PLCXD1: variants seen among roughly 807,000 people sequenced by gnomAD.
PLCXD1 encodes the protein PI-PLC X domain-containing protein 1.
PLCXD1 carries 45 observed loss-of-function variants against 37.8 expected under a neutral mutation model. The ratio of observed to expected loss-of-function variants is 1.19; its 90% CI spans 0.94 to 1.53. The LOEUF (loss-of-function observed/expected upper bound fraction) is 1.53, where lower values mean the gene tolerates loss of function less well. PLCXD1 is among the 40% of genes most tolerant of loss of function. PLCXD1 has a pLI of 0.00. For synonymous variants in PLCXD1, 246 were observed against 206.9 expected (o/e 1.19, Z -1.62); for missense variants, 539 against 454.7 (o/e 1.19, Z -1.69).
chrX:296,523 G>A (rs749113834), intron 6 of PLCXD1, among the ~76,000 whole-genome samples: 4 of 152,338 alleles, frequency 2.6e-5, no homozygotes, highest in East Asian at 3.9e-4. Flanking sequence ...CAACACAGGG[G>A]CACTGGAACC....
chrX:294,392 G>A (rs1233797963), intron 6 of PLCXD1, among the ~76,000 whole-genome samples: 1 of 151,752 alleles, frequency 6.6e-6, no homozygotes, highest in African/African-American at 2.4e-5. Flanking sequence ...TGAGGTAGGA[G>A]AATGGTGTGA....
intron 3 of PLCXD1, 28 bp downstream of exon 3, chrX:288,897 C>T: frequency 1.2e-6 from 2 of 1,608,460 alleles, no homozygotes; most frequent in Non-Finnish European, 1.7e-6. Flanking sequence ...TGCTGCTGAC[C>T]TGGCCTGTCA....
At chrX:294,257 C>A (rs191076449) in intron 6 of PLCXD1, among the ~76,000 whole-genome samples, 22 of 151,798 alleles carry the variant, frequency 1.4e-4, no homozygotes, top group Admixed American at 1.4e-3. Flanking sequence ...CCGAGGCGGG[C>A]GGATCATGAG....
intron 3 of PLCXD1, among the ~76,000 whole-genome samples, chrX:289,784 T>G (rs1296082226): frequency 1.3e-5 from 2 of 152,060 alleles, no homozygotes; most frequent in East Asian, 2.0e-4. Context: ...GTGCTGGGAT[T>G]ACAGGCGTCA....
intron 6 of PLCXD1, among the ~76,000 whole-genome samples, chrX:295,028 G>A (rs1301182372): frequency 5.3e-5 from 8 of 151,752 alleles, no homozygotes; most frequent in Middle Eastern, 3.4e-3. Context: ...GATTTAGCTG[G>A]GCGTGGTTGT....
At chrX:277,940 GA>G (rs1413177222), upstream of PLCXD1, among the ~76,000 whole-genome samples, 2 of 85,538 alleles carry the variant, frequency 2.3e-5, no homozygotes, top group African/African-American at 4.9e-5. Context: ...GGGTCAGGGG[GA>G]ACGTGGGGAC....
intron 6 of PLCXD1, 46 bp downstream of exon 6, chrX:293,264 T>G (rs1226211180): frequency 1.3e-6 from 2 of 1,489,414 alleles, no homozygotes. Flanking sequence ...CAGCCTCCCG[T>G]GACGCCCTGC....
chrX:295,682 A>G (rs1339814757), intron 6 of PLCXD1, among the ~76,000 whole-genome samples: 29 of 150,098 alleles, frequency 1.9e-4, no homozygotes, highest in Non-Finnish European at 2.7e-4. Flanking sequence ...CCGCCACCAC[A>G]CCCGGCTAAT....
At chrX:283,761 T>A (rs2124316905) in intron 1 of PLCXD1, 1 of 167,546 alleles carries the variant, frequency 6.0e-6, no homozygotes, top group South Asian at 1.2e-4. Context: ...GGCTCGCATT[T>A]GCATATTAAA....
At chrX:290,285 C>T (rs1407306631) in intron 3 of PLCXD1, among the ~76,000 whole-genome samples, 1 of 152,120 alleles carries the variant, frequency 6.6e-6, no homozygotes, top group Admixed American at 6.5e-5. Context: ...ACAAAATTAG[C>T]TGGGCGCGGT....
intron 1 of PLCXD1, among the ~76,000 whole-genome samples, chrX:282,949 A>ATG (rs1400106366): frequency 0.014 from 1,415 of 103,846 alleles, 25 homozygotes; most frequent in African/African-American, 0.04. Context: ...TATATATTAT[A>ATG]TATATATTAT....
intron 6 of PLCXD1, among the ~76,000 whole-genome samples, chrX:294,952 G>T (rs1602899994): frequency 6.6e-6 from 1 of 152,266 alleles, no homozygotes; most frequent in Middle Eastern, 3.4e-3. Flanking sequence ...GAGGCAGGTG[G>T]ATTAATTGAG....
At position 295,568 on chromosome X, in the gene PLCXD1, C is replaced by A. The variant is rs181922913; in HGVS notation, c.733+2350C>A. On this transcript the variant is annotated intron_variant, in intron 6 of 6. Transcript: ENST00000381657. ...AGGTGGAGTCTCACTCTTGTTGCCC[C>A]GGTCGGAGTGCAGTGGCGCGATCTC... Among the ~76,000 whole-genome samples, 187 of 151,578 alleles carry A rather than the reference C, an allele frequency of 1.2e-3. 1 individual carries two copies. The highest frequency in any genetic ancestry group is 4.4e-3 in the African/African-American group (180 of 41,270).
At chrX:280,141 G>A (rs1043255730), upstream of PLCXD1, among the ~76,000 whole-genome samples, 2 of 152,172 alleles carry the variant, frequency 1.3e-5, no homozygotes, top group African/African-American at 4.8e-5. Context: ...ACAGGCGTGA[G>A]CCAGCGGGCC....
Position 302,255 on chromosome X carries a change from ACAGGTACAAGG to A in PLCXD1, c.*2921_*2931del, listed in dbSNP as rs2070038508. The A allele has an allele frequency of 2.2e-5, 1 of 45,924 alleles. No homozygotes were observed. Among genetic ancestry groups the A allele is most frequent in the Non-Finnish European group, 3.5e-5 (1 of 28,344 alleles). The allele number at this position is 45,924 out of a possible 1,614,324, so 2.8% of individuals were successfully genotyped here. On this transcript the variant is annotated 3_prime_UTR_variant, in exon 7 of 7. Coordinates refer to ENST00000381657, the MANE Select transcript of PLCXD1 (RefSeq NM_018390.4). ...GGTCACCTCCGTGAATTAAAGTCCT[ACAGGTACAAGG>A]GAGACCCCCCCCCCACGGAAGGCGC...
intron 2 of PLCXD1, among the ~76,000 whole-genome samples, chrX:284,629 C>T (rs763160857): frequency 2.7e-5 from 4 of 149,522 alleles, no homozygotes; most frequent in African/African-American, 4.9e-5. Context: ...CATCTGCACA[C>T]GCACATCTGC....
intron 3 of PLCXD1, among the ~76,000 whole-genome samples, chrX:289,219 C>G (rs2069549976): frequency 6.6e-6 from 1 of 152,028 alleles, no homozygotes; most frequent in South Asian, 2.1e-4. Flanking sequence ...TCCTAAGTAC[C>G]TGGGTCTACA....
At chrX:282,934 T>TTA (rs199798753) in intron 1 of PLCXD1, among the ~76,000 whole-genome samples, 18 of 118,362 alleles carry the variant, frequency 1.5e-4, no homozygotes, top group South Asian at 2.5e-4. Context: ...TACATGTATG[T>TTA]TATATATATA....
At chrX:294,253 C>CG (rs1387410525) in intron 6 of PLCXD1, among the ~76,000 whole-genome samples, 1 of 152,022 alleles carries the variant, frequency 6.6e-6, no homozygotes, top group Non-Finnish European at 1.5e-5. Context: ...GAGGCCGAGG[C>CG]GGGCGGATCA....
Sources: allele counts gnomAD v4.1 joint callset (sites outside exome capture counted in the v4.1 genomes callset), GRCh38; gene constraint gnomAD v4.1.1; transcripts MANE v1.5; gene names NCBI Gene and HGNC (gene_info 2026-07-23, HGNC 2026-07-21).